The following GRM7 variants were observed in gnomAD, a reference collection of about 807,000 sequenced individuals.
The protein encoded by GRM7 is glutamate metabotropic receptor 7, also known as metabotropic glutamate receptor 7.
A neutral mutation model predicts 84.5 loss-of-function variants in GRM7; 35 were observed. That is an observed-to-expected ratio of 0.41 (90% CI 0.32 to 0.55). The LOEUF is 0.55. Among genes scored for constraint, GRM7 ranks in the 20% least tolerant of loss-of-function variants. The probability of loss-of-function intolerance (pLI) is 0.19; values close to 1 mark genes in which losing one functional copy is unlikely to be tolerated. For missense variants in GRM7, 1,003 were observed against 1,194.6 expected, an observed-to-expected ratio of 0.84 and a Z score of 2.36; for synonymous variants, 487 against 455.1, an observed-to-expected ratio of 1.07 and a Z score of -0.89.
chr3:7,339,723 GA>G (rs1701565882), intron 4 of GRM7, among the ~76,000 whole-genome samples: 1 of 152,062 alleles, frequency 6.6e-6, no homozygotes, highest in Admixed American at 6.5e-5. Context: ...CTAAGTATGG[GA>G]GGGGTGAACT....
intron 1 of GRM7, among the ~76,000 whole-genome samples, chr3:7,117,524 A>C (rs2125040648): frequency 6.6e-6 from 1 of 152,254 alleles, no homozygotes; most frequent in Non-Finnish European, 1.5e-5. Context: ...TCCTGCATCA[A>C]GTGGTCTAAG....
At chr3:7,153,678 A>G (rs1694357659) in intron 2 of GRM7, among the ~76,000 whole-genome samples, 2 of 152,130 alleles carry the variant, frequency 1.3e-5, no homozygotes, top group Non-Finnish European at 2.9e-5. Context: ...GAAAAAAGGG[A>G]CAAGAAATCT....
intron 4 of GRM7, among the ~76,000 whole-genome samples, chr3:7,352,064 CACACACACACACACA>C (rs1559258878): frequency 1.2e-5 from 1 of 82,488 alleles, no homozygotes; most frequent in African/African-American, 3.6e-5. Context: ...ACACCACACA[CACACACACACACACA>C]CACACACACA....
chr3:7,311,757 G>T (rs1041011805), intron 4 of GRM7, among the ~76,000 whole-genome samples: 20 of 152,070 alleles, frequency 1.3e-4, no homozygotes, highest in African/African-American at 4.8e-4. Context: ...ACCACACCTG[G>T]CTAATATTTG....
intron 1 of GRM7, among the ~76,000 whole-genome samples, chr3:6,922,048 C>G (rs1206296341): frequency 2.6e-5 from 4 of 152,232 alleles, no homozygotes; most frequent in African/African-American, 9.6e-5. Context: ...GTTAGGTTTT[C>G]AATTCCCTCG....
chr3:7,442,155 C>A (rs903149942), intron 5 of GRM7, among the ~76,000 whole-genome samples: 1 of 152,020 alleles, frequency 6.6e-6, no homozygotes, highest in East Asian at 1.9e-4. Flanking sequence ...TCTCTTATTT[C>A]TTTCAGCAGT....
chr3:7,344,771 T>C (rs1358520595), intron 4 of GRM7, among the ~76,000 whole-genome samples: 2 of 151,960 alleles, frequency 1.3e-5, no homozygotes, highest in African/African-American at 2.4e-5. Context: ...GCTCAGAAGG[T>C]TAGGGGAGGG....
At chr3:7,384,988 T>G (rs1461171255) in intron 4 of GRM7, among the ~76,000 whole-genome samples, 1 of 152,230 alleles carries the variant, frequency 6.6e-6, no homozygotes, top group Non-Finnish European at 1.5e-5. Flanking sequence ...TACTTTCCTT[T>G]GTAAACTGCC....
intron 5 of GRM7, among the ~76,000 whole-genome samples, chr3:7,441,812 T>A (rs1207222172): frequency 6.6e-6 from 1 of 152,080 alleles, no homozygotes; most frequent in Non-Finnish European, 1.5e-5. Context: ...ATTTTTGGGC[T>A]CTCTAAGCTA....
chr3:7,142,117 T>C, intron 1 of GRM7, among the ~76,000 whole-genome samples: 1 of 151,940 alleles, frequency 6.6e-6, no homozygotes, highest in Non-Finnish European at 1.5e-5. Flanking sequence ...CAATGAATGT[T>C]AGGCTTAGGT....
At chr3:7,009,332 A>G (rs1487312491) in intron 1 of GRM7, among the ~76,000 whole-genome samples, 4 of 152,130 alleles carry the variant, frequency 2.6e-5, no homozygotes, top group African/African-American at 9.7e-5. Context: ...AATATAATTA[A>G]CTCCTCCAAC....
intron 2 of GRM7, among the ~76,000 whole-genome samples, chr3:7,162,728 C>CTTTTTTTTTTT (rs1559478421): frequency 1.8e-5 from 1 of 57,102 alleles, no homozygotes; most frequent in African/African-American, 5.2e-5. Flanking sequence ...TCCCATTTTT[C>CTTTTTTTTTTT]ATTTTTTTTT....
chr3:7,680,391 C>T (rs952264809), intron 9 of GRM7, 96 bp downstream of exon 9: 15 of 1,316,512 alleles, frequency 1.1e-5, no homozygotes, highest in Middle Eastern at 1.9e-4. Flanking sequence ...ATACTGTGAT[C>T]GTTCTTGTCT....
chr3:7,002,022 C>T (rs545489261), intron 1 of GRM7, among the ~76,000 whole-genome samples: 4 of 152,162 alleles, frequency 2.6e-5, no homozygotes, highest in African/African-American at 4.8e-5. Flanking sequence ...TTAAAATAAC[C>T]GTAAGTTATA....
At chr3:7,712,702 C>A (rs1190152589) in intron 9 of GRM7, among the ~76,000 whole-genome samples, 108 of 151,366 alleles carry the variant, frequency 7.1e-4, no homozygotes, top group Non-Finnish European at 1.8e-4. Context: ...ACACACTTAG[C>A]AAAGTTTCAA....
At chr3:7,198,325 A>C (rs1695950103) in intron 2 of GRM7, among the ~76,000 whole-genome samples, 1 of 152,130 alleles carries the variant, frequency 6.6e-6, no homozygotes, top group African/African-American at 2.4e-5. Flanking sequence ...GAAATTGAAA[A>C]GTTGGAAAAT....
intron 4 of GRM7, among the ~76,000 whole-genome samples, chr3:7,343,808 T>C (rs1692762426): frequency 6.6e-6 from 1 of 152,192 alleles, no homozygotes; most frequent in Non-Finnish European, 1.5e-5. Context: ...TCTGAATTAC[T>C]TTGCCCTTTT....
intron 1 of GRM7, among the ~76,000 whole-genome samples, chr3:7,022,384 C>T (rs1224941987): frequency 2.0e-5 from 3 of 151,306 alleles, no homozygotes; most frequent in Admixed American, 6.6e-5. Flanking sequence ...CACACACACA[C>T]ACCAGTGGTC....
intron 7 of GRM7, among the ~76,000 whole-genome samples, chr3:7,530,629 C>T (rs946483187): frequency 1.3e-5 from 2 of 152,186 alleles, no homozygotes; most frequent in Non-Finnish European, 2.9e-5. Context: ...TTTTAATGAT[C>T]GCCTTTCTAA....
Sources: gnomAD v4.1 joint callset for allele counts (sites outside exome capture counted in the v4.1 genomes callset) on GRCh38, gnomAD v4.1.1 for gene constraint, MANE v1.5 for transcripts, NCBI Gene and HGNC (gene_info 2026-07-23, HGNC 2026-07-21) for gene names.